NXN: variants seen among roughly 807,000 people sequenced by gnomAD.
The protein encoded by NXN is nucleoredoxin 1.
Under a neutral mutation model 48.6 loss-of-function variants are expected in NXN, and 16 were observed. The ratio of observed to expected loss-of-function variants is 0.33; its 90% CI spans 0.22 to 0.50. The LOEUF (loss-of-function observed/expected upper bound fraction) is 0.50. Ranked by LOEUF, NXN falls within the 20% of genes least tolerant of loss-of-function variation. The pLI is 0.98. For missense variants in NXN, 492 were observed against 605.5 expected (o/e 0.81, Z 1.97); for synonymous variants, 281 against 269.6 (o/e 1.04, Z -0.41).
chr17:939,344 C>CT (rs34838555), intron 1 of NXN, among the ~76,000 whole-genome samples: 3,730 of 127,968 alleles, frequency 0.029, 116 homozygotes, highest in East Asian at 0.064. Context: ...TAGAAATCAG[C>CT]TTTTTTTTTT....
intron 5 of NXN, among the ~76,000 whole-genome samples, chr17:810,233 GGC>G (rs1567810829): frequency 4.7e-3 from 630 of 133,036 alleles, no homozygotes; most frequent in East Asian, 8.5e-3. Context: ...CCGTGTGAGT[GGC>G]GTGCACGTTA....
intron 5 of NXN, among the ~76,000 whole-genome samples, chr17:808,887 A>C (rs980022044): frequency 1.3e-5 from 2 of 150,332 alleles, no homozygotes; most frequent in Admixed American, 6.6e-5. Flanking sequence ...ATGTTGGCCA[A>C]GCTGGTCTCA....
chr17:939,101 T>TA (rs1402729089), intron 1 of NXN, among the ~76,000 whole-genome samples: 1 of 151,676 alleles, frequency 6.6e-6, no homozygotes, highest in Non-Finnish European at 1.5e-5. Flanking sequence ...AAATGAGAGC[T>TA]AAAAATATAA....
chr17:955,127 G>A (rs897609354), intron 1 of NXN, among the ~76,000 whole-genome samples: 2 of 150,952 alleles, frequency 1.3e-5, no homozygotes, highest in Non-Finnish European at 3.0e-5. Context: ...ATGGGCCTGT[G>A]GTATTTCCCT....
chr17:965,585 G>A (rs1446300444), intron 1 of NXN, among the ~76,000 whole-genome samples: 8 of 152,144 alleles, frequency 5.3e-5, no homozygotes, highest in East Asian at 1.9e-4. Flanking sequence ...GGCTGGATTT[G>A]AAGACGGCTG....
intron 1 of NXN, among the ~76,000 whole-genome samples, chr17:938,854 G>A (rs890100117): frequency 6.6e-6 from 1 of 152,108 alleles, no homozygotes; most frequent in African/African-American, 2.4e-5. Context: ...GAGGCCAGGG[G>A]TTCAAGACCA....
intron 1 of NXN, among the ~76,000 whole-genome samples, chr17:900,312 C>T (rs777463393): frequency 6.6e-6 from 1 of 151,996 alleles, no homozygotes; most frequent in Non-Finnish European, 1.5e-5. Flanking sequence ...GAAGATATAG[C>T]CAAAAAGCTC....
intron 1 of NXN, among the ~76,000 whole-genome samples, chr17:862,748 A>G (rs1429652009): frequency 6.6e-6 from 1 of 152,228 alleles, no homozygotes; most frequent in Non-Finnish European, 1.5e-5. Flanking sequence ...AACAGGACGG[A>G]ACTATGATGT....
intron 3 of NXN, among the ~76,000 whole-genome samples, chr17:823,160 A>G (rs1464499734): frequency 6.6e-6 from 1 of 150,888 alleles, no homozygotes; most frequent in Non-Finnish European, 1.5e-5. Flanking sequence ...GCACTTTGGG[A>G]GGCCGAGGCG....
chr17:947,023 G>C (rs2150612439), intron 1 of NXN, among the ~76,000 whole-genome samples: 1 of 152,302 alleles, frequency 6.6e-6, no homozygotes, highest in East Asian at 1.9e-4. Context: ...TCCTCCAGGG[G>C]CCGCATGAGG....
At chr17:831,935 C>G (rs925289229) in intron 1 of NXN, among the ~76,000 whole-genome samples, 1 of 83,284 alleles carries the variant, frequency 1.2e-5, no homozygotes, top group South Asian at 3.6e-4. Flanking sequence ...ATCCTCCTTA[C>G]TCACATGTAT....
chr17:953,221 C>G (rs1316100293), intron 1 of NXN, among the ~76,000 whole-genome samples: 2 of 152,120 alleles, frequency 1.3e-5, no homozygotes, highest in East Asian at 3.9e-4. Flanking sequence ...TTGAGACCAG[C>G]CTGGCCAACA....
intron 5 of NXN, among the ~76,000 whole-genome samples, chr17:817,026 C>G (rs1393802050): frequency 6.6e-6 from 1 of 152,158 alleles, no homozygotes; most frequent in Non-Finnish European, 1.5e-5. Flanking sequence ...TGTCCCTCAA[C>G]TTTTGTTTGG....
chr17:902,155 G>A (rs1006313256), intron 1 of NXN, among the ~76,000 whole-genome samples: 4 of 152,172 alleles, frequency 2.6e-5, no homozygotes, highest in Non-Finnish European at 4.4e-5. Flanking sequence ...TGATACCAGG[G>A]AACAGTGTTG....
At chr17:966,598 C>T (rs1389207291) in intron 1 of NXN, among the ~76,000 whole-genome samples, 1 of 152,098 alleles carries the variant, frequency 6.6e-6, no homozygotes, top group Non-Finnish European at 1.5e-5. Context: ...CCGTCGACTT[C>T]AGCCTCCCAA....
chr17:887,233 T>C (rs2068358543), intron 1 of NXN, among the ~76,000 whole-genome samples: 1 of 152,056 alleles, frequency 6.6e-6, no homozygotes, highest in South Asian at 2.1e-4. Context: ...TTTTATCTGG[T>C]GGGAGCTCCA....
At chr17:801,332 T>C (rs2144553406) in intron 7 of NXN, among the ~76,000 whole-genome samples, 1 of 152,278 alleles carries the variant, frequency 6.6e-6, no homozygotes, top group Non-Finnish European at 1.5e-5. Flanking sequence ...AATTCTCTCT[T>C]TGCATCCGCC....
At chr17:834,026 A>G (rs1031912161) in intron 1 of NXN, among the ~76,000 whole-genome samples, 1 of 152,226 alleles carries the variant, frequency 6.6e-6, no homozygotes, top group Non-Finnish European at 1.5e-5. Flanking sequence ...TTTTTAAAAA[A>G]GCATTTCTCA....
chr17:943,266 C>T (rs189359596), intron 1 of NXN, among the ~76,000 whole-genome samples: 8 of 152,228 alleles, frequency 5.3e-5, no homozygotes, highest in Admixed American at 1.3e-4. Context: ...AGTTACCCAG[C>T]GAACCACCGA....
Sources: allele counts gnomAD v4.1 joint callset (sites outside exome capture counted in the v4.1 genomes callset), GRCh38; gene constraint gnomAD v4.1.1; transcripts MANE v1.5; gene names NCBI Gene and HGNC (gene_info 2026-07-23, HGNC 2026-07-21).